NTNG2: variants seen among roughly 807,000 people sequenced by gnomAD.
NTNG2 encodes netrin-G2.
NTNG2 carries 15 observed loss-of-function variants against 47.6 expected under a neutral mutation model. That is an observed-to-expected ratio of 0.32 (90% confidence interval 0.21 to 0.49). The LOEUF (loss-of-function observed/expected upper bound fraction) is 0.49. Ranked by LOEUF, NTNG2 falls within the 20% of genes least tolerant of loss-of-function variation. The probability of loss-of-function intolerance (pLI) is 0.99; values close to 1 mark genes in which losing one functional copy is unlikely to be tolerated. For synonymous variants in NTNG2, 307 were observed against 324.6 expected, an observed-to-expected ratio of 0.95 and a Z score of 0.58; for missense variants, 578 against 764.6, an observed-to-expected ratio of 0.76 and a Z score of 2.88.
At position 132,231,646 on chromosome 9, in the gene NTNG2, TCAG is replaced by T; in HGVS notation, c.1054+1055_1054+1057del. 1 of 271,662 alleles carries T rather than the reference TCAG, an allele frequency of 3.7e-6. No homozygotes were observed. Among genetic ancestry groups the T allele is most frequent in the Non-Finnish European group, 7.3e-6 (1 of 137,052 alleles). The allele number at this position is 271,662 out of a possible 1,614,324, so 16.8% of individuals were successfully genotyped here. On this transcript the variant is annotated intron_variant, in intron 5 of 7. Transcript: ENST00000393229. The surrounding 1 kb of genome is among the most constrained non-coding windows in gnomAD (Gnocchi z 4.1). Reference sequence around the variant, plus strand: ...TGCTTTTCCCATCTCTCACCAGGCATCAGCAGGTCCCAGAAAGACCCCGACCCC... The same window carrying T: ...TGCTTTTCCCATCTCTCACCAGGCATCAGGTCCCAGAAAGACCCCGACCCC...
intron 5 of NTNG2, among the ~76,000 whole-genome samples, chr9:132,235,368 G>A (rs961765535): frequency 6.6e-6 from 1 of 152,218 alleles, no homozygotes; most frequent in Non-Finnish European, 1.5e-5. Flanking sequence ...GAGTGTAGAA[G>A]GGTCTCGCTG....
chr9:132,219,588 AGAAAG>A (rs1320075253), intron 3 of NTNG2, among the ~76,000 whole-genome samples: 16 of 138,958 alleles, frequency 1.2e-4, no homozygotes, highest in African/African-American at 4.5e-4. Context: ...AAAAAAAAAA[AGAAAG>A]AAAGAAAGAA....
chr9:132,199,864 T>C (rs1450946395), intron 3 of NTNG2, among the ~76,000 whole-genome samples: 1 of 152,192 alleles, frequency 6.6e-6, no homozygotes, highest in Non-Finnish European at 1.5e-5. Context: ...GGAATGTGTT[T>C]TGAGGAAACT....
chr9:132,242,718 G>C lies in NTNG2; in HGVS notation c.*607G>C, dbSNP rs1330344862. ...GGGCCTGGAAACTTCGTTCTGTAGA[G>C]AACTATTTTTGTTTGTATTCACTGT... On this transcript the variant is annotated 3_prime_UTR_variant, in exon 8 of 8. Coordinates refer to ENST00000393229, the MANE Select transcript of NTNG2 (RefSeq NM_032536.4). The surrounding 1 kb of genome is among the most constrained non-coding windows in gnomAD (Gnocchi z 5.9). 6.6e-6 allele frequency: 1 copy of C among 152,296 alleles called. No homozygotes were observed. Among genetic ancestry groups the C allele is most frequent in the East Asian group, 1.9e-4 (1 of 5,190 alleles). The allele number at this position is 152,296 out of a possible 1,614,324, so 9.4% of individuals were successfully genotyped here.
intron 2 of NTNG2, among the ~76,000 whole-genome samples, chr9:132,194,654 C>A (rs202147736): frequency 6.6e-6 from 1 of 152,226 alleles, no homozygotes; most frequent in African/African-American, 2.4e-5. Flanking sequence ...GGGCCTCAGT[C>A]CCCCCATCTG....
chr9:132,240,864 G>A lies in NTNG2; in HGVS notation c.1223-46G>A, dbSNP rs376196256. 2.3e-4 allele frequency: 371 copies of A among 1,611,616 alleles called. 1 individual carries two copies. The African/African-American group carries it at 4.3e-3, about 19-fold the overall frequency. On this transcript the variant is annotated intron_variant, in intron 6 of 7. Coordinates refer to ENST00000393229, the MANE Select transcript of NTNG2 (RefSeq NM_032536.4). ...GAGAGTGGGGGTCCGAGAAGACGGC[G>A]CCCACACGTAGCCCTGACCGCGCGC...
At chr9:132,179,636 C>G (rs1313322578) in intron 2 of NTNG2, among the ~76,000 whole-genome samples, 1 of 152,184 alleles carries the variant, frequency 6.6e-6, no homozygotes, top group Non-Finnish European at 1.5e-5. Flanking sequence ...GTGCCATGCA[C>G]CGGTGGCAAT....
At chr9:132,204,925 A>C (rs2130784231) in intron 3 of NTNG2, among the ~76,000 whole-genome samples, 1 of 152,324 alleles carries the variant, frequency 6.6e-6, no homozygotes, top group East Asian at 1.9e-4. Flanking sequence ...AAAACAAAAT[A>C]GATGGAGGTA....
chr9:132,226,842 TC>T lies in NTNG2; in HGVS notation c.858-3del. The T allele has an allele frequency of 6.3e-7, 1 of 1,589,238 alleles. No individual in the cohort carries two copies. Among genetic ancestry groups the T allele is most frequent in the Non-Finnish European group, 8.6e-7 (1 of 1,167,514 alleles). ...CTGACATCTCTGCCCTCTCGGTGTC[TC>T]CCCAGGTGCAAGTGCAACCTGCACG... On this transcript the variant is annotated splice_polypyrimidine_tract_variant and splice_region_variant and intron_variant, in intron 3 of 7. Coordinates refer to ENST00000393229, the MANE Select transcript of NTNG2 (RefSeq NM_032536.4). The surrounding 1 kb of genome is among the most constrained non-coding windows in gnomAD (Gnocchi z 4.8).
At chr9:132,225,808 T>G (rs1310109250) in intron 3 of NTNG2, among the ~76,000 whole-genome samples, 1 of 152,130 alleles carries the variant, frequency 6.6e-6, no homozygotes, top group Non-Finnish European at 1.5e-5. Flanking sequence ...GGTCCATCCT[T>G]TTTCCGTATC....
In NTNG2 at chr9:132,241,042, A is replaced by G; in HGVS notation, c.1355A>G (p.Tyr452Cys). The G allele has an allele frequency of 6.3e-7, 1 of 1,598,398 alleles. No homozygotes were observed. The highest frequency in any genetic ancestry group is 8.5e-7 in the Non-Finnish European group (1 of 1,176,396). The stretch of plus-strand genomic sequence containing the variant: ...ACGCACTACTGGCGCCAGGGCTGCT[A>G]CCGTGAGTGCGCGCCGTCCCCCGTG... ...LPTHYWRQGC[Y>C]PNVCDDDQLL... Residue 452 changes from tyrosine (Y) to cysteine (C), a missense_variant and splice_region_variant, in exon 7 of 8, where the codon TAC (tyrosine) becomes TGC (cysteine). Tyr to Cys is a radical substitution (Grantham distance 194, BLOSUM62 -2). Coordinates refer to ENST00000393229, the MANE Select transcript of NTNG2 (RefSeq NM_032536.4).
Position 132,182,623 on chromosome 9 carries a change from A to C in NTNG2, c.214-15343A>C, listed in dbSNP as rs988426546. On this transcript the variant is annotated intron_variant, in intron 2 of 7. Transcript: ENST00000393229. This position sits in a 1 kb window ranked among gnomAD's most constrained non-coding sequence, Gnocchi z 4.2. ...CCGTGATGCCCAGGACCTTCCCCCAAGGGGCTCAGGCATCAGCTGAGAACT... is the reference window on the plus strand; with the variant it reads ...CCGTGATGCCCAGGACCTTCCCCCACGGGGCTCAGGCATCAGCTGAGAACT... 6.6e-6 allele frequency among the ~76,000 whole-genome samples: 1 copy of C among 152,330 alleles called. No individual in the cohort carries two copies. The highest frequency in any genetic ancestry group is 1.9e-4 in the East Asian group (1 of 5,182).
chr9:132,226,842 T>G lies in NTNG2; in HGVS notation c.858-7T>G. 1 of 1,589,242 alleles carries G rather than the reference T, an allele frequency of 6.3e-7. No individual in the cohort carries two copies. Among genetic ancestry groups the G allele is most frequent in the South Asian group, 1.1e-5 (1 of 88,152 alleles). ...CTGACATCTCTGCCCTCTCGGTGTC[T>G]CCCCAGGTGCAAGTGCAACCTGCAC... is the stretch of plus-strand genomic sequence containing the variant. On this transcript the variant is annotated splice_polypyrimidine_tract_variant and splice_region_variant and intron_variant, in intron 3 of 7. Coordinates refer to ENST00000393229, the MANE Select transcript of NTNG2 (RefSeq NM_032536.4). The surrounding 1 kb of genome is among the most constrained non-coding windows in gnomAD (Gnocchi z 4.8).
intron 5 of NTNG2, among the ~76,000 whole-genome samples, chr9:132,237,225 C>T (rs1488533333): frequency 1.3e-5 from 2 of 152,152 alleles, no homozygotes; most frequent in Non-Finnish European, 2.9e-5. Context: ...GGAAGGGGCC[C>T]CACCTCCCTG....
chr9:132,167,786 C>T (rs768936060), intron 2 of NTNG2, among the ~76,000 whole-genome samples: 20 of 152,166 alleles, frequency 1.3e-4, no homozygotes, highest in Non-Finnish European at 2.2e-4. Context: ...ACAACAACAG[C>T]AGAGATGGTT....
chr9:132,190,356 T>A (rs1837789620), intron 2 of NTNG2, among the ~76,000 whole-genome samples: 1 of 146,678 alleles, frequency 6.8e-6, no homozygotes, highest in South Asian at 2.1e-4. Flanking sequence ...GCTGAGGGAG[T>A]GAGCCAGTGC....
In NTNG2 at chr9:132,236,084, C is replaced by T. The variant is rs1317763194; in HGVS notation, c.1055-3020C>T. Among the ~76,000 whole-genome samples the T allele has an allele frequency of 1.3e-5, 2 of 152,238 alleles. No homozygotes were observed. Among genetic ancestry groups the T allele is most frequent in the African/African-American group, 4.8e-5 (2 of 41,460 alleles). On this transcript the variant is annotated intron_variant, in intron 5 of 7. Transcript: ENST00000393229. This position sits in a 1 kb window ranked among gnomAD's most constrained non-coding sequence, Gnocchi z 4.3. ...CGACAGGAACCCCCCTCTCCAGCTG[C>T]CCTTGCTCACAGGACACCTGGGCAG... is the stretch of plus-strand genomic sequence containing the variant.
At position 132,185,408 on chromosome 9, in the gene NTNG2, C is replaced by G. The variant is rs113587823; in HGVS notation, c.214-12558C>G. On this transcript the variant is annotated intron_variant, in intron 2 of 7. Coordinates refer to ENST00000393229, the MANE Select transcript of NTNG2 (RefSeq NM_032536.4). ...AGCCAGGGGGGCCTGTCCCTCACCC[C>G]ACCCCGGCACTGAAACCCTCACAGC... is the stretch of plus-strand genomic sequence containing the variant. Among the ~76,000 whole-genome samples, 1,398 of 152,302 alleles carry G rather than the reference C, an allele frequency of 9.2e-3. 15 individuals carry two copies. Among genetic ancestry groups the G allele is most frequent in the African/African-American group, 0.031 (1,307 of 41,556 alleles).
At position 132,222,703 on chromosome 9, in the gene NTNG2, C is replaced by T. The variant is rs150239982; in HGVS notation, c.858-4146C>T. Among the ~76,000 whole-genome samples the T allele has an allele frequency of 6.1e-3, 931 of 152,302 alleles. 5 individuals carry two copies. The highest frequency in any genetic ancestry group is 0.02 in the Middle Eastern group (6 of 294). ...AGTGCCCCCTCTCCCACGGCCCACCCAGGACCTGCAGGATTCTCTCCTCCT... is the reference window on the plus strand; with the variant it reads ...AGTGCCCCCTCTCCCACGGCCCACCTAGGACCTGCAGGATTCTCTCCTCCT... On this transcript the variant is annotated intron_variant, in intron 3 of 7. Coordinates refer to ENST00000393229, the MANE Select transcript of NTNG2 (RefSeq NM_032536.4).
Sources: allele counts gnomAD v4.1 joint callset (sites outside exome capture counted in the v4.1 genomes callset), GRCh38; gene constraint gnomAD v4.1.1; non-coding constraint Gnocchi (gnomAD v3.1); transcripts MANE v1.5; gene names NCBI Gene and HGNC (gene_info 2026-07-23, HGNC 2026-07-21).